The following TULP1 variants were observed in gnomAD, a reference collection of about 807,000 sequenced individuals.
TULP1 encodes the protein TUB like protein 1.
In TULP1, 50 loss-of-function variants were observed where a neutral mutation model predicts 67.1. The ratio of observed to expected loss-of-function variants is 0.75; its 90% CI spans 0.59 to 0.94. The LOEUF (loss-of-function observed/expected upper bound fraction) is 0.94, where lower values mean the gene tolerates loss of function less well. TULP1 is among the 40% of genes least tolerant of loss of function. TULP1 has a pLI of 0.00. For synonymous variants in TULP1, 297 were observed against 294.0 expected, an observed-to-expected ratio of 1.01 and a Z score of -0.11; for missense variants, 746 against 734.1, an observed-to-expected ratio of 1.02 and a Z score of -0.19.
chr6:35,511,992 CCCAACGCCACCCCCTTCTACA>C lies in TULP1; in HGVS notation c.190+167_190+187del, dbSNP rs1428440543. The C allele has an allele frequency of 1.5e-5, 11 of 730,746 alleles. No homozygotes were observed. The East Asian group carries it at 2.8e-4, about 19-fold the overall frequency. 45.3% of individuals were successfully genotyped at this position (730,746 alleles called of 1,614,324 possible). The stretch of plus-strand genomic sequence containing the variant: ...CATTCAGCTTCCCACCCCCTTCTAC[CCCAACGCCACCCCCTTCTACA>C]CCAACCCCAACCCCAACCCCAACCC... On this transcript the variant is annotated intron_variant, in intron 3 of 14. Coordinates refer to ENST00000229771, the MANE Select transcript of TULP1 (RefSeq NM_003322.6).
In TULP1 at chr6:35,503,500, G is replaced by C. The variant is rs1260483406; in HGVS notation, c.1323+59C>G. The C allele has an allele frequency of 6.6e-6, 10 of 1,512,886 alleles. No homozygotes were observed. In the South Asian group the frequency reaches 1.2e-4, roughly 18 times the overall value. The allele number at this position is 1,512,886 out of a possible 1,614,324, so 93.7% of individuals were successfully genotyped here. A position where few individuals can be genotyped will look rare whatever the true frequency, so the allele number is the denominator to read the frequency against. On this transcript the variant is annotated intron_variant, in intron 13 of 14. Coordinates refer to ENST00000229771, the MANE Select transcript of TULP1 (RefSeq NM_003322.6). This position sits in a 1 kb window ranked among gnomAD's most constrained non-coding sequence, Gnocchi z 4.0. Reference sequence around the variant, plus strand: ...CAGGGAGTTGGCTATTTCCTAAGCTGAGCCCCGACTCCTGTTTCTCACATA... The same window carrying C: ...CAGGGAGTTGGCTATTTCCTAAGCTCAGCCCCGACTCCTGTTTCTCACATA...
At position 35,498,483 on chromosome 6, in the gene TULP1, G is replaced by C. The variant is rs1299704011; in HGVS notation, c.1496-23C>G. The C allele has an allele frequency of 8.1e-6, 13 of 1,613,254 alleles. No individual in the cohort carries two copies. Among genetic ancestry groups the C allele is most frequent in the Non-Finnish European group, 1.0e-5 (12 of 1,179,948 alleles). On this transcript the variant is annotated intron_variant, in intron 14 of 14. Coordinates refer to ENST00000229771, the MANE Select transcript of TULP1 (RefSeq NM_003322.6). This position sits in a 1 kb window ranked among gnomAD's most constrained non-coding sequence, Gnocchi z 6.7. ...CGGCTATGGACACAAGACGGGGTGG[G>C]GGCGGCCCGAGACCTCCTTGGACCC...
chr6:35,502,825 ACCTTCCAGTATGCT>A (rs1273086840), intron 13 of TULP1, among the ~76,000 whole-genome samples: 2 of 151,828 alleles, frequency 1.3e-5, no homozygotes, highest in African/African-American at 4.8e-5. Context: ...AGCACTTACC[ACCTTCCAGTATGCT>A]CCATAATTTA....
At position 35,506,114 on chromosome 6, in the gene TULP1, G is replaced by C. The variant is rs568562300; in HGVS notation, c.888C>G (p.Leu296=). 3 of 1,613,696 alleles carry C rather than the reference G, an allele frequency of 1.9e-6. No individual in the cohort carries two copies. Among genetic ancestry groups the C allele is most frequent in the East Asian group, 2.2e-5 (1 of 44,876 alleles). The change falls in exon 10 of 15, where the codon CTC becomes CTG. Residue 296 remains leucine (L), a synonymous_variant. Transcript: ENST00000229771. ...VEVDEPREFV[L]RPAPQGRTVR... ...CCGTGCGGCCCTGGGGGGCAGGCCG[G>C]AGCACAAACTCCCGGGGTTCGTCCA...
Position 35,506,287 on chromosome 6 carries a change from C to CGGAGAGAACA in TULP1, c.823-18_823-9dup. On this transcript the variant is annotated splice_polypyrimidine_tract_variant and intron_variant, in intron 8 of 14. Transcript: ENST00000229771. ...AGGACAACTCACCGCTTTCTGTGTG[C>CGGAGAGAACA]GGAGAGAACAGAGAGGCTGGCTAGA... 6.4e-7 allele frequency: 1 copy of CGGAGAGAACA among 1,570,890 alleles called. No homozygotes were observed. The highest frequency in any genetic ancestry group is 8.6e-7 in the Non-Finnish European group (1 of 1,158,250).
At position 35,509,756 on chromosome 6, in the gene TULP1, T is replaced by C. The variant is rs1186254645; in HGVS notation, c.602-6A>G. The C allele has an allele frequency of 1.9e-6, 3 of 1,614,028 alleles. No individual in the cohort carries two copies. The highest frequency in any genetic ancestry group is 2.5e-6 in the Non-Finnish European group (3 of 1,180,020). ...CTTGTCGGCCTCCCCAGACCCTGCATGTGTGGATGTGAAAGCGTCACAACC... is the reference window on the plus strand; with the variant it reads ...CTTGTCGGCCTCCCCAGACCCTGCACGTGTGGATGTGAAAGCGTCACAACC... On this transcript the variant is annotated splice_region_variant and splice_polypyrimidine_tract_variant and intron_variant, in intron 6 of 14. Transcript: ENST00000229771.
chr6:35,509,595 C>T, intron 7 of TULP1, 39 bp downstream of exon 7: 1 of 1,601,480 alleles, frequency 6.2e-7, no homozygotes, highest in Non-Finnish European at 8.6e-7. Context: ...CCCAGGACCA[C>T]CTCAAGATGT....
intron 2 of TULP1, 61 bp from the exon 3 acceptor site, chr6:35,512,331 T>TC (rs1202321904): frequency 2.6e-5 from 22 of 860,984 alleles, no homozygotes; most frequent in Non-Finnish European, 3.6e-5. Context: ...GGCCCGCCCA[T>TC]CCCCCTCTAA....
chr6:35,509,297 G>A lies in TULP1; in HGVS notation c.734C>T (p.Ala245Val), dbSNP rs62636707. The change falls in exon 8 of 15, where the codon GCG (alanine) becomes GTG (valine). Residue 245 changes from alanine to valine, a missense_variant. Ala to Val is a moderately conservative substitution (Grantham distance 64). Transcript: ENST00000229771. The part of the protein sequence containing the change: ...ALKKKGTPKG[A>V]RKEEEEEEEA... ...CTCCTCCTCTTCTTCCTCCTTCCTC[G>A]CGCCTTTGGGAGTGCCTGAGCGTGG... The A allele has an allele frequency of 5.0e-6, 8 of 1,613,830 alleles. No homozygotes were observed. The highest frequency in any genetic ancestry group is 6.8e-6 in the Non-Finnish European group (8 of 1,179,954).
In TULP1 at chr6:35,499,889, G is replaced by A. The variant is rs1439766707; in HGVS notation, c.1495+92C>T. On this transcript the variant is annotated intron_variant, in intron 14 of 14. Transcript: ENST00000229771. ...CAGCTCTCGGGATAAAGGCTGGTGT[G>A]TGTGTGTGTGAGGGGGTGAGGGGAG... The A allele has an allele frequency of 2.8e-6, 4 of 1,450,166 alleles. No homozygotes were observed. In the East Asian group the frequency reaches 9.1e-5, roughly 33 times the overall value. 89.8% of individuals were successfully genotyped at this position (1,450,166 alleles called of 1,614,324 possible). A position where few individuals can be genotyped will look rare whatever the true frequency, so the allele number is the denominator to read the frequency against.
In TULP1 at chr6:35,509,063, C is replaced by T. The variant is rs532064755; in HGVS notation, c.822+146G>A. 46 of 773,754 alleles carry T rather than the reference C, an allele frequency of 5.9e-5. No individual in the cohort carries two copies. In the East Asian group the frequency reaches 8.1e-4, roughly 14 times the overall value. The allele number at this position is 773,754 out of a possible 1,614,324, so 47.9% of individuals were successfully genotyped here. A position where few individuals can be genotyped will look rare whatever the true frequency, so the allele number is the denominator to read the frequency against. ...CCTCTGTTTGCACAAATCTGGTTTC[C>T]TTTGTCCTTATATCCTGTCACAAGA... is the stretch of plus-strand genomic sequence containing the variant. On this transcript the variant is annotated intron_variant, in intron 8 of 14. Coordinates refer to ENST00000229771, the MANE Select transcript of TULP1 (RefSeq NM_003322.6).
intron 13 of TULP1, among the ~76,000 whole-genome samples, chr6:35,501,390 A>T (rs1396289418): frequency 6.6e-6 from 1 of 150,756 alleles, no homozygotes; most frequent in East Asian, 2.0e-4. Context: ...GCTACATGAG[A>T]GGCTGAGGCA....
At chr6:35,507,599 T>A (rs1311283385) in intron 8 of TULP1, among the ~76,000 whole-genome samples, 1 of 152,194 alleles carries the variant, frequency 6.6e-6, no homozygotes, top group African/African-American at 2.4e-5. Flanking sequence ...GGTGGCCTGG[T>A]GACCCCACAA....
chr6:35,500,004 A>G lies in TULP1; in HGVS notation c.1472T>C (p.Phe491Ser), dbSNP rs1768796234. 1 of 1,613,914 alleles carries G rather than the reference A, an allele frequency of 6.2e-7. No individual in the cohort carries two copies. Among genetic ancestry groups the G allele is most frequent in the South Asian group, 1.1e-5 (1 of 91,084 alleles). The change falls in exon 14 of 15, where the codon TTC (phenylalanine) becomes TCC (serine). Residue 491 changes from phenylalanine to serine, a missense_variant. Physicochemically the swap from Phe to Ser is radical, Grantham distance 155. Coordinates refer to ENST00000229771, the MANE Select transcript of TULP1 (RefSeq NM_003322.6). ...GRVTQASVKN[F>S]QIVHADDPDY... ...ACGGTCATCAGCGTGGACAATCTGG[A>G]AGTTCTTGACTGAGGCCTGGGTGAC...
Position 35,498,265 on chromosome 6 carries a change from G to A in TULP1, c.*62C>T. On this transcript the variant is annotated 3_prime_UTR_variant, in exon 15 of 15. Transcript: ENST00000229771. The surrounding 1 kb of genome is among the most constrained non-coding windows in gnomAD (Gnocchi z 6.7). ...GAGCTTTGCTGGAGGGACCCTGCCA[G>A]CCTCCACTGAATCCTTTCCCCCACG... 6.3e-7 allele frequency: 1 copy of A among 1,596,618 alleles called. No individual in the cohort carries two copies. The highest frequency in any genetic ancestry group is 8.5e-7 in the Non-Finnish European group (1 of 1,174,996).
chr6:35,507,203 C>CAAAAAA (rs869194937), intron 8 of TULP1, among the ~76,000 whole-genome samples: 2 of 71,988 alleles, frequency 2.8e-5, no homozygotes, highest in African/African-American at 4.8e-5. Context: ...AACACTCAAG[C>CAAAAAA]AAAAAAAAAA....
chr6:35,506,795 G>A (rs1249518606), intron 8 of TULP1, among the ~76,000 whole-genome samples: 1 of 152,082 alleles, frequency 6.6e-6, no homozygotes, highest in African/African-American at 2.4e-5. Flanking sequence ...CATGAGTTTT[G>A]TCCAATCTCC....
chr6:35,509,953 G>A (rs1331911287), intron 5 of TULP1, 25 bp from the exon 6 acceptor site: 3 of 1,609,368 alleles, frequency 1.9e-6, no homozygotes, highest in East Asian at 4.5e-5. Context: ...TGGGGGTCAG[G>A]CAAAGAAGGT....
intron 4 of TULP1, 53 bp downstream of exon 4, chr6:35,511,595 T>A: frequency 6.4e-7 from 1 of 1,567,616 alleles, no homozygotes; most frequent in Non-Finnish European, 8.7e-7. Flanking sequence ...GCCAGCCCCT[T>A]CTCTCCTTAG....
Sources: allele counts gnomAD v4.1 joint callset (sites outside exome capture counted in the v4.1 genomes callset), GRCh38; gene constraint gnomAD v4.1.1; non-coding constraint Gnocchi (gnomAD v3.1); transcripts MANE v1.5; gene names NCBI Gene and HGNC (gene_info 2026-07-23, HGNC 2026-07-21).